The following SCHIP1 variants were observed in gnomAD, a reference collection of about 807,000 sequenced individuals.
SCHIP1 encodes schwannomin interacting protein 1, also known as schwannomin-interacting protein 1.
SCHIP1 carries 8 observed loss-of-function variants against 29.7 expected under a neutral mutation model. The ratio of observed to expected loss-of-function variants is 0.27; its 90% CI spans 0.16 to 0.49. SCHIP1 has a LOEUF of 0.49. Among genes scored for constraint, SCHIP1 ranks in the 20% least tolerant of loss-of-function variants. The pLI, the probability that SCHIP1 is intolerant of heterozygous loss-of-function variation, is 0.99. For missense variants in SCHIP1, 193 were observed against 294.6 expected, an observed-to-expected ratio of 0.66 and a Z score of 2.52; for synonymous variants, 76 against 94.9, an observed-to-expected ratio of 0.80 and a Z score of 1.16.
At chr3:159,459,678 A>G in the SCHIP1 span, among the ~76,000 whole-genome samples, 2,822 of 152,290 alleles carry the variant, frequency 0.019, 96 homozygotes, top group African/African-American at 0.065. Context: ...TTGTACAACT[A>G]AAACAGAATT....
the SCHIP1 span, among the ~76,000 whole-genome samples, chr3:159,482,406 C>A: frequency 6.6e-6 from 1 of 152,174 alleles, no homozygotes; most frequent in East Asian, 1.9e-4. Context: ...GAGGAGAAAT[C>A]TTCTAACAAG....
chr3:159,351,760 T>C, the SCHIP1 span, among the ~76,000 whole-genome samples: 1 of 152,154 alleles, frequency 6.6e-6, no homozygotes, highest in African/African-American at 2.4e-5. Flanking sequence ...AGATAAATCA[T>C]AGACCATAGG....
At chr3:159,314,864 A>G in the SCHIP1 span, among the ~76,000 whole-genome samples, 1 of 152,168 alleles carries the variant, frequency 6.6e-6, no homozygotes, top group African/African-American at 2.4e-5. Flanking sequence ...GGAAAGTATG[A>G]TTTTTATGCA....
chr3:159,674,986 CA>C, the SCHIP1 span, among the ~76,000 whole-genome samples: 1 of 152,220 alleles, frequency 6.6e-6, no homozygotes, highest in Non-Finnish European at 1.5e-5. Context: ...GTACACCCTA[CA>C]TTGGACCAGG....
At chr3:159,559,509 C>T in the SCHIP1 span, among the ~76,000 whole-genome samples, 1 of 152,098 alleles carries the variant, frequency 6.6e-6, no homozygotes, top group Non-Finnish European at 1.5e-5. Context: ...CCCCGAAATA[C>T]TTTAGTATGT....
At chr3:159,659,964 T>C in the SCHIP1 span, among the ~76,000 whole-genome samples, 1 of 152,110 alleles carries the variant, frequency 6.6e-6, no homozygotes, top group African/African-American at 2.4e-5. Context: ...TTAATAGAAG[T>C]TCAAGCAACA....
the SCHIP1 span, among the ~76,000 whole-genome samples, chr3:159,631,231 A>C: frequency 6.6e-6 from 1 of 152,106 alleles, no homozygotes; most frequent in African/African-American, 2.4e-5. Flanking sequence ...ACCCTCATGC[A>C]TTGCAGCTGG....
At chr3:159,879,472 A>T (rs1716218585) in intron 2 of SCHIP1, among the ~76,000 whole-genome samples, 1 of 152,202 alleles carries the variant, frequency 6.6e-6, no homozygotes, top group Non-Finnish European at 1.5e-5. Flanking sequence ...TTAGACATAA[A>T]ATAGTAAAAT....
chr3:159,277,407 T>C, the SCHIP1 span, among the ~76,000 whole-genome samples: 1 of 152,150 alleles, frequency 6.6e-6, no homozygotes, highest in Non-Finnish European at 1.5e-5. Context: ...TTAAGATTCC[T>C]GGAAATATAA....
At chr3:159,360,070 G>A in the SCHIP1 span, among the ~76,000 whole-genome samples, 1 of 152,164 alleles carries the variant, frequency 6.6e-6, no homozygotes, top group East Asian at 1.9e-4. Flanking sequence ...GCCAAATAGT[G>A]CATGAATGGA....
the SCHIP1 span, among the ~76,000 whole-genome samples, chr3:159,625,882 A>G: frequency 1.3e-5 from 2 of 152,038 alleles, no homozygotes; most frequent in South Asian, 2.1e-4. Context: ...TTCTCCCTAC[A>G]TGTAGAGGAC....
At chr3:159,629,471 G>T in the SCHIP1 span, among the ~76,000 whole-genome samples, 2 of 152,048 alleles carry the variant, frequency 1.3e-5, no homozygotes, top group African/African-American at 4.8e-5. Context: ...AAATCTTATT[G>T]TTCAGGGATC....
chr3:159,555,501 T>C, the SCHIP1 span, among the ~76,000 whole-genome samples: 1 of 152,352 alleles, frequency 6.6e-6, no homozygotes, highest in East Asian at 1.9e-4. Flanking sequence ...CAAAGCTAAA[T>C]GTCATTTGGT....
the SCHIP1 span, among the ~76,000 whole-genome samples, chr3:159,808,999 T>A: frequency 1.3e-5 from 2 of 150,888 alleles, no homozygotes; most frequent in South Asian, 4.2e-4. Flanking sequence ...TTTTTTTTTT[T>A]ATTATACTTT....
the SCHIP1 span, among the ~76,000 whole-genome samples, chr3:159,688,241 T>C: frequency 2.0e-5 from 3 of 152,194 alleles, no homozygotes; most frequent in Admixed American, 2.0e-4. Flanking sequence ...TTCCTATTTC[T>C]CCACATCCTC....
At chr3:159,560,791 G>A in the SCHIP1 span, among the ~76,000 whole-genome samples, 1 of 151,992 alleles carries the variant, frequency 6.6e-6, no homozygotes, top group Non-Finnish European at 1.5e-5. Context: ...ATACTGAGAG[G>A]CCTGCAGCAC....
At chr3:159,879,815 G>A (rs564522509) in intron 2 of SCHIP1, among the ~76,000 whole-genome samples, 7 of 152,322 alleles carry the variant, frequency 4.6e-5, no homozygotes, top group African/African-American at 7.2e-5. Context: ...GCTCTCTGGA[G>A]ATTCGGGTTA....
the SCHIP1 span, among the ~76,000 whole-genome samples, chr3:159,445,343 G>C: frequency 6.6e-6 from 1 of 151,474 alleles, no homozygotes; most frequent in Non-Finnish European, 1.5e-5. Flanking sequence ...TCTCACACCA[G>C]TTAGAATGGC....
At chr3:159,781,245 G>A in the SCHIP1 span, among the ~76,000 whole-genome samples, 1 of 152,022 alleles carries the variant, frequency 6.6e-6, no homozygotes, top group African/African-American at 2.4e-5. Flanking sequence ...GCATGATCTC[G>A]GCTCACTGCA....
Sources: gnomAD v4.1 joint callset for allele counts (sites outside exome capture counted in the v4.1 genomes callset) on GRCh38, gnomAD v4.1.1 for gene constraint, MANE v1.5 for transcripts, NCBI Gene and HGNC (gene_info 2026-07-23, HGNC 2026-07-21) for gene names.